PSME4: variants seen among roughly 807,000 people sequenced by gnomAD.
PSME4 encodes proteasome activator subunit 4.
Under a neutral mutation model 253.9 loss-of-function variants are expected in PSME4, and 89 were observed. That is an observed-to-expected ratio of 0.35 (90% CI 0.30 to 0.42). PSME4 has a LOEUF of 0.42. PSME4 is among the 10% of genes least tolerant of loss of function. PSME4 has a pLI of 1.00. For missense variants in PSME4, 2,014 were observed against 2,195.2 expected, an observed-to-expected ratio of 0.92 and a Z score of 1.65; for synonymous variants, 851 against 759.2, an observed-to-expected ratio of 1.12 and a Z score of -1.99.
intron 3 of PSME4, among the ~76,000 whole-genome samples, chr2:53,948,198 G>C (rs891521818): frequency 6.6e-6 from 1 of 152,140 alleles, no homozygotes; most frequent in African/African-American, 2.4e-5. Context: ...CTATCAAAGA[G>C]GCAGGATGTA....
intron 38 of PSME4, chr2:53,888,342 A>G (rs1354208189): frequency 1.3e-5 from 3 of 234,744 alleles, no homozygotes. Flanking sequence ...CTACAGCACC[A>G]TATGCCCCAA....
intron 1 of PSME4, among the ~76,000 whole-genome samples, chr2:53,967,471 G>A (rs770773098): frequency 8.6e-5 from 13 of 151,354 alleles, no homozygotes; most frequent in East Asian, 3.9e-4. Context: ...GTGAAACCCC[G>A]TCTCTACTAA....
chr2:53,936,036 G>A lies in PSME4; in HGVS notation c.834+51C>T, dbSNP rs141416722. The A allele has an allele frequency of 2.3e-4, 369 of 1,572,416 alleles. 3 individuals carry two copies. The East Asian group carries it at 7.6e-3, about 33-fold the overall frequency. ...AGCCACCCGAGCAGCTGGGATTACA[G>A]GCGCCTACCACCCCATGCCTGATAA... On this transcript the variant is annotated intron_variant, in intron 7 of 46. Coordinates refer to ENST00000404125, the MANE Select transcript of PSME4 (RefSeq NM_014614.3).
At chr2:53,900,075 C>T (rs541682500) in intron 28 of PSME4, 58 bp from the exon 29 acceptor site, 103 of 1,472,456 alleles carry the variant, frequency 7.0e-5, no homozygotes, top group Non-Finnish European at 9.0e-5. Flanking sequence ...ACTACCTGAA[C>T]GAACCTTGAA....
intron 1 of PSME4, among the ~76,000 whole-genome samples, chr2:53,961,007 T>C (rs1445110050): frequency 1.3e-5 from 2 of 152,138 alleles, no homozygotes; most frequent in Non-Finnish European, 2.9e-5. Flanking sequence ...CCCAGGAGGC[T>C]GAGGCAGGAG....
intron 1 of PSME4, among the ~76,000 whole-genome samples, chr2:53,950,993 T>C (rs947406861): frequency 6.6e-6 from 1 of 152,172 alleles, no homozygotes; most frequent in Non-Finnish European, 1.5e-5. Context: ...TTATTAAATA[T>C]GTAAGTCAAC....
intron 4 of PSME4, among the ~76,000 whole-genome samples, chr2:53,938,221 T>C (rs1387767611): frequency 1.3e-5 from 2 of 152,116 alleles, no homozygotes; most frequent in Admixed American, 6.5e-5. Flanking sequence ...GGATTACCAG[T>C]AGACGAGAAA....
At chr2:53,940,948 T>TAATACATATTTAAATATATATATA (rs1553338406) in intron 3 of PSME4, among the ~76,000 whole-genome samples, 524 of 18,326 alleles carry the variant, frequency 0.029, 12 homozygotes, top group South Asian at 0.073. Context: ...TAAATATATA[T>TAATACATATTTAAATATATATATA]ATACATATAT....
At chr2:53,880,710 G>A (rs1679342744) in intron 41 of PSME4, among the ~76,000 whole-genome samples, 1 of 152,198 alleles carries the variant, frequency 6.6e-6, no homozygotes, top group Non-Finnish European at 1.5e-5. Context: ...CACTTTCGTA[G>A]GGTAAAGCAG....
At chr2:53,950,970 G>A (rs1044666865) in intron 1 of PSME4, among the ~76,000 whole-genome samples, 2 of 152,154 alleles carry the variant, frequency 1.3e-5, no homozygotes, top group African/African-American at 4.8e-5. Flanking sequence ...AAAACCCCTG[G>A]AGGAGGGTCA....
At chr2:53,894,587 G>C (rs1168873202) in intron 34 of PSME4, among the ~76,000 whole-genome samples, 1 of 152,196 alleles carries the variant, frequency 6.6e-6, no homozygotes, top group East Asian at 1.9e-4. Flanking sequence ...AACTTTCAAA[G>C]TGAAGTAAAT....
Position 53,887,854 on chromosome 2 carries a change from C to A in PSME4, c.4520+4G>T. ...AGGTACACCACAGAGAAAACAGTAC[C>A]TACCTTCCTATTCTTTCTCTGACAT... On this transcript the variant is annotated splice_donor_region_variant and intron_variant, in intron 39 of 46. Coordinates refer to ENST00000404125, the MANE Select transcript of PSME4 (RefSeq NM_014614.3). 1 of 1,592,550 alleles carries A rather than the reference C, an allele frequency of 6.3e-7. No homozygotes were observed. The highest frequency in any genetic ancestry group is 8.6e-7 in the Non-Finnish European group (1 of 1,161,530).
intron 39 of PSME4, 34 bp from the exon 40 acceptor site, chr2:53,887,501 T>C (rs895858145): frequency 2.9e-5 from 45 of 1,539,512 alleles, no homozygotes; most frequent in Admixed American, 7.2e-5. Flanking sequence ...TAGGAAGAGG[T>C]GCCACATTAT....
chr2:53,901,150 A>T (rs769625997), intron 28 of PSME4, among the ~76,000 whole-genome samples, 200 bp downstream of exon 28: 1 of 152,186 alleles, frequency 6.6e-6, no homozygotes, highest in African/African-American at 2.4e-5. Flanking sequence ...ACCATGCTCC[A>T]ACTTGCTACT....
intron 3 of PSME4, among the ~76,000 whole-genome samples, chr2:53,946,078 G>A (rs1669685747): frequency 6.6e-6 from 1 of 152,144 alleles, no homozygotes; most frequent in East Asian, 1.9e-4. Context: ...AATAAGCACT[G>A]ACTGACCAAT....
Position 53,906,623 on chromosome 2 carries a change from C to G in PSME4, c.2918G>C (p.Arg973Pro), listed in dbSNP as rs763188055. The change falls in exon 26 of 47, where the codon CGT becomes CCT. Residue 973 changes from arginine to proline, a missense_variant. Arg to Pro is a moderately radical substitution (Grantham distance 103). Around this residue, in one of 4 missense-constraint regions of PSME4, gnomAD observed 989 missense variants for 1,021.1 expected, o/e 0.97. Coordinates refer to ENST00000404125, the MANE Select transcript of PSME4 (RefSeq NM_014614.3). ...IHQDMIRDLL[R>P]LSTSSYSQVR... Reference sequence around the variant, plus strand: ...CTGACTGTATGAACTTGTAGATAAACGAAGAAGATCTCTGATCATATCTTG... The same window carrying G: ...CTGACTGTATGAACTTGTAGATAAAGGAAGAAGATCTCTGATCATATCTTG... The G allele has an allele frequency of 6.3e-7, 1 of 1,597,934 alleles. No individual in the cohort carries two copies. The highest frequency in any genetic ancestry group is 8.5e-7 in the Non-Finnish European group (1 of 1,173,020).
intron 20 of PSME4, among the ~76,000 whole-genome samples, chr2:53,910,363 T>A (rs982658759): frequency 3.3e-5 from 5 of 152,124 alleles, no homozygotes; most frequent in Non-Finnish European, 5.9e-5. Context: ...TCAGGAGGCC[T>A]CCTAAAGGAA....
At chr2:53,968,131 C>G (rs933962642) in intron 1 of PSME4, among the ~76,000 whole-genome samples, 3 of 151,828 alleles carry the variant, frequency 2.0e-5, no homozygotes, top group Admixed American at 2.0e-4. Context: ...AAAAAGTAGC[C>G]AGGCATGGTG....
At chr2:53,884,424 T>A (rs577953618) in intron 41 of PSME4, among the ~76,000 whole-genome samples, 2 of 152,348 alleles carry the variant, frequency 1.3e-5, no homozygotes, top group South Asian at 4.1e-4. Flanking sequence ...TTGGCCAGGA[T>A]GGTCTCGATC....
Sources: gnomAD v4.1 joint callset for allele counts (sites outside exome capture counted in the v4.1 genomes callset) on GRCh38, gnomAD v4.1.1 for gene constraint, gnomAD v4.1.1 regional missense constraint, MANE v1.5 for transcripts, NCBI Gene and HGNC (gene_info 2026-07-23, HGNC 2026-07-21) for gene names.